Variants in ENTREP2 observed in about 807,000 individuals in gnomAD.
ENTREP2 encodes protein ENTREP2.
chr15:29,339,513 T>C, the ENTREP2 span, among the ~76,000 whole-genome samples: 1 of 152,216 alleles, frequency 6.6e-6, no homozygotes, highest in Non-Finnish European at 1.5e-5. Flanking sequence ...ATTCGTGCGC[T>C]GTAACAGGCT....
chr15:29,289,415 G>A, the ENTREP2 span, among the ~76,000 whole-genome samples: 2 of 152,072 alleles, frequency 1.3e-5, no homozygotes, highest in African/African-American at 2.4e-5. Context: ...CATCAAGTGC[G>A]GGTGATAATG....
the ENTREP2 span, among the ~76,000 whole-genome samples, chr15:29,597,930 T>C: frequency 6.6e-6 from 1 of 152,224 alleles, no homozygotes; most frequent in South Asian, 2.1e-4. Context: ...AAGACCAGCC[T>C]GGGCAACATG....
chr15:29,488,343 G>A, the ENTREP2 span, among the ~76,000 whole-genome samples: 237 of 152,182 alleles, frequency 1.6e-3, 3 homozygotes, highest in East Asian at 4.5e-3. Context: ...AAGAACCCGC[G>A]AACATAAAGA....
chr15:29,483,588 T>C, the ENTREP2 span, among the ~76,000 whole-genome samples: 6 of 152,262 alleles, frequency 3.9e-5, no homozygotes, highest in Admixed American at 3.9e-4. Context: ...GAATTGTTTT[T>C]GTTCCATGTT....
chr15:29,311,687 C>G, the ENTREP2 span, among the ~76,000 whole-genome samples: 1 of 150,260 alleles, frequency 6.7e-6, no homozygotes, highest in Non-Finnish European at 1.5e-5. Context: ...GAGACTCCAT[C>G]CCCCCCCCAA....
At chr15:29,440,701 G>A in the ENTREP2 span, among the ~76,000 whole-genome samples, 2 of 152,078 alleles carry the variant, frequency 1.3e-5, no homozygotes, top group Non-Finnish European at 2.9e-5. Flanking sequence ...ATGACAAGGG[G>A]CCTCCCTGCC....
At chr15:29,361,540 A>G in the ENTREP2 span, among the ~76,000 whole-genome samples, 1 of 152,272 alleles carries the variant, frequency 6.6e-6, no homozygotes, top group South Asian at 2.1e-4. Flanking sequence ...TTATTTCCCC[A>G]ACTCATATCA....
chr15:29,228,661 T>TA, the ENTREP2 span, among the ~76,000 whole-genome samples: 10 of 152,268 alleles, frequency 6.6e-5, no homozygotes, highest in South Asian at 1.5e-3. Flanking sequence ...ATAAGTAGAA[T>TA]AATATACTGT....
the ENTREP2 span, among the ~76,000 whole-genome samples, chr15:29,424,437 T>C: frequency 6.6e-6 from 1 of 152,200 alleles, no homozygotes; most frequent in African/African-American, 2.4e-5. Flanking sequence ...ATCCTTTAGC[T>C]GGACACAAAA....
the ENTREP2 span, among the ~76,000 whole-genome samples, chr15:29,241,131 A>C: frequency 6.6e-6 from 1 of 152,170 alleles, no homozygotes; most frequent in Non-Finnish European, 1.5e-5. Context: ...CTTTATAATG[A>C]AATTAGTGCC....
At chr15:29,476,943 G>A in the ENTREP2 span, among the ~76,000 whole-genome samples, 4 of 152,134 alleles carry the variant, frequency 2.6e-5, no homozygotes, top group South Asian at 2.1e-4. Flanking sequence ...AAACAGGCGC[G>A]TATGCTCACC....
At chr15:29,362,617 C>T in the ENTREP2 span, among the ~76,000 whole-genome samples, 27,433 of 151,786 alleles carry the variant, frequency 0.18, 2,740 homozygotes, top group East Asian at 0.39. Flanking sequence ...TCAGGCAATA[C>T]GCCCGCCTCG....
chr15:29,479,478 A>G, the ENTREP2 span, among the ~76,000 whole-genome samples: 34 of 152,128 alleles, frequency 2.2e-4, no homozygotes, highest in African/African-American at 7.0e-4. Context: ...ACAGCAGCAC[A>G]TCGCAATCAG....
the ENTREP2 span, among the ~76,000 whole-genome samples, chr15:29,259,248 T>A: frequency 6.6e-6 from 1 of 152,254 alleles, no homozygotes; most frequent in East Asian, 1.9e-4. Context: ...AAAGCAGTTA[T>A]CAGGCATCAT....
At chr15:29,362,023 A>C in the ENTREP2 span, among the ~76,000 whole-genome samples, 1 of 152,180 alleles carries the variant, frequency 6.6e-6, no homozygotes, top group African/African-American at 2.4e-5. Context: ...GACACGGATC[A>C]CAGGAAAATC....
At chr15:29,310,299 T>A in the ENTREP2 span, among the ~76,000 whole-genome samples, 1 of 152,138 alleles carries the variant, frequency 6.6e-6, no homozygotes, top group Non-Finnish European at 1.5e-5. Flanking sequence ...TAGGACAATT[T>A]TTTAAAATCT....
the ENTREP2 span, among the ~76,000 whole-genome samples, chr15:29,621,286 G>A: frequency 1.3e-5 from 2 of 151,912 alleles, no homozygotes; most frequent in Non-Finnish European, 2.9e-5. Context: ...CACTATGGGA[G>A]GCCGAGACAG....
At chr15:29,308,580 A>G in the ENTREP2 span, among the ~76,000 whole-genome samples, 2 of 152,004 alleles carry the variant, frequency 1.3e-5, no homozygotes, top group East Asian at 1.9e-4. Flanking sequence ...TCCCACCCCT[A>G]GTTTCTTCCT....
chr15:29,635,307 G>A, the ENTREP2 span, among the ~76,000 whole-genome samples: 1 of 152,188 alleles, frequency 6.6e-6, no homozygotes, highest in African/African-American at 2.4e-5. Flanking sequence ...CCAGCCAGCA[G>A]TCAGTTCATT....
Sources: allele counts gnomAD v4.1 joint callset (sites outside exome capture counted in the v4.1 genomes callset), GRCh38; gene constraint gnomAD v4.1.1; transcripts MANE v1.5; gene names NCBI Gene and HGNC (gene_info 2026-07-23, HGNC 2026-07-21).